The following GFM1 variants were observed in gnomAD, a reference collection of about 807,000 sequenced individuals.
GFM1 encodes the protein elongation factor G, mitochondrial.
A neutral mutation model predicts 96.2 loss-of-function variants in GFM1; 62 were observed. The observed-to-expected ratio is 0.64, with a 90% CI of 0.53 to 0.80. GFM1 has a LOEUF of 0.80. Among genes scored for constraint, GFM1 ranks in the 30% least tolerant of loss-of-function variants. The pLI is 0.00. For synonymous variants in GFM1, 282 were observed against 312.9 expected (o/e 0.90, Z 1.04); for missense variants, 852 against 916.6 (o/e 0.93, Z 0.91).
At chr3:158,672,676 C>G in intron 13 of GFM1, 1 of 547,612 alleles carries the variant, frequency 1.8e-6, no homozygotes, top group South Asian at 2.0e-5. Flanking sequence ...ATCCGAGAGC[C>G]CTGGGCTGAC....
intron 9 of GFM1, among the ~76,000 whole-genome samples, chr3:158,659,582 A>G (rs919603247): frequency 6.6e-6 from 1 of 152,204 alleles, no homozygotes; most frequent in South Asian, 2.1e-4. Flanking sequence ...TAAAAGCTTC[A>G]AGGGCTGATC....
chr3:158,649,162 G>C lies in GFM1; in HGVS notation c.689+5G>C, dbSNP rs1722092318. The stretch of plus-strand genomic sequence containing the variant: ...CTATTTTGATGGAGACTTTGGGTAA[G>C]TGCTAAAAATACATTATTAAAATTT... On this transcript the variant is annotated splice_donor_5th_base_variant and intron_variant, in intron 5 of 17. Coordinates refer to ENST00000486715, the MANE Select transcript of GFM1 (RefSeq NM_024996.7). The C allele has an allele frequency of 9.0e-7, 1 of 1,112,994 alleles. No individual in the cohort carries two copies. Among genetic ancestry groups the C allele is most frequent in the Non-Finnish European group, 1.4e-6 (1 of 725,100 alleles). The allele number at this position is 1,112,994 out of a possible 1,614,324, so 68.9% of individuals were successfully genotyped here. A position where few individuals can be genotyped will look rare whatever the true frequency, so the allele number is the denominator to read the frequency against.
chr3:158,687,173 TTTA>T (rs1560145709), intron 15 of GFM1, among the ~76,000 whole-genome samples: 2 of 151,864 alleles, frequency 1.3e-5, no homozygotes, highest in East Asian at 3.9e-4. Context: ...TGGCTAATTT[TTTA>T]TTATTATTAT....
chr3:158,660,758 G>A (rs1723137595), intron 9 of GFM1, 116 bp from the exon 10 acceptor site: 4 of 834,774 alleles, frequency 4.8e-6, no homozygotes. Flanking sequence ...TTCAAGCAGA[G>A]AGATTCTGCC....
At chr3:158,681,453 A>T (rs1202997830) in intron 13 of GFM1, among the ~76,000 whole-genome samples, 10 of 152,186 alleles carry the variant, frequency 6.6e-5, no homozygotes, top group Non-Finnish European at 1.5e-4. Context: ...TGAATGACTT[A>T]CTTATGTTAG....
intron 6 of GFM1, 84 bp downstream of exon 6, chr3:158,652,330 G>A (rs553465700): frequency 3.5e-6 from 4 of 1,137,474 alleles, no homozygotes; most frequent in Non-Finnish European, 5.3e-6. Flanking sequence ...ATGCTTTTAT[G>A]TATGGGCTTT....
At chr3:158,664,538 C>T (rs1723460851) in intron 11 of GFM1, among the ~76,000 whole-genome samples, 1 of 152,166 alleles carries the variant, frequency 6.6e-6, no homozygotes, top group Non-Finnish European at 1.5e-5. Context: ...ATCTTCAGTG[C>T]CGTCAACAGC....
chr3:158,646,715 A>C (rs753850801), intron 3 of GFM1, 28 bp from the exon 4 acceptor site: 1 of 1,587,454 alleles, frequency 6.3e-7, no homozygotes, highest in East Asian at 2.2e-5. Flanking sequence ...TTGCTCTTTA[A>C]GACCCTCTCA....
chr3:158,683,036 G>GAAA (rs1394390389), intron 14 of GFM1, among the ~76,000 whole-genome samples: 2 of 95,994 alleles, frequency 2.1e-5, no homozygotes, highest in Non-Finnish European at 4.5e-5. Context: ...CTCCAAAATG[G>GAAA]AAAAAAAAAA....
Position 158,665,486 on chromosome 3 carries a change from TAAGG to T in GFM1, c.1518+16_1518+19del, listed in dbSNP as rs1244229304. 2.5e-6 allele frequency: 4 copies of T among 1,601,160 alleles called. No individual in the cohort carries two copies. In the Admixed American group the frequency reaches 5.0e-5, roughly 20 times the overall value. The stretch of plus-strand genomic sequence containing the variant: ...AAATCTATGCTCAGGTAATGAATAA[TAAGG>T]AAGTTAAGTTGAAATCAATTTATTA... On this transcript the variant is annotated intron_variant, in intron 12 of 17. Transcript: ENST00000486715.
chr3:158,673,173 A>C (rs1284060721), intron 13 of GFM1, among the ~76,000 whole-genome samples: 1 of 152,198 alleles, frequency 6.6e-6, no homozygotes, highest in Admixed American at 6.5e-5. Context: ...AGATTATGTA[A>C]TTTGGATCAG....
chr3:158,663,028 A>G (rs1452572959), intron 11 of GFM1, among the ~76,000 whole-genome samples: 1 of 152,156 alleles, frequency 6.6e-6, no homozygotes, highest in African/African-American at 2.4e-5. Context: ...GTAAAACCCC[A>G]CTATAAAGTA....
rs112123608 is a variant in GFM1 at position 158,649,916 on chromosome 3, T to G, written c.689+759T>G. On this transcript the variant is annotated intron_variant, in intron 5 of 17. Coordinates refer to ENST00000486715, the MANE Select transcript of GFM1 (RefSeq NM_024996.7). ...TCTTACAGGTCTGCAGACCACACTT[T>G]GAGTGACACTGATCTAGACAATGTG... 7.2e-6 allele frequency: 8 copies of G among 1,116,580 alleles called. No individual in the cohort carries two copies. The East Asian group carries it at 1.8e-4, about 25-fold the overall frequency. The allele number at this position is 1,116,580 out of a possible 1,614,324, so 69.2% of individuals were successfully genotyped here. A position where few individuals can be genotyped will look rare whatever the true frequency, so the allele number is the denominator to read the frequency against.
chr3:158,669,098 G>A (rs1724013068), intron 13 of GFM1: 3 of 1,613,570 alleles, frequency 1.9e-6, no homozygotes, highest in South Asian at 1.1e-5. Context: ...AATGTAGAAC[G>A]AGCGTCATTT....
chr3:158,693,257 A>G lies in GFM1; in HGVS notation c.*1790A>G, dbSNP rs993111094. On this transcript the variant is annotated 3_prime_UTR_variant, in exon 18 of 18. Transcript: ENST00000486715. ...TCCTCAGCATCTTGTGACATTCACA[A>G]TAACTTTGAATATTGTTCCTAATGA... is the stretch of plus-strand genomic sequence containing the variant. 6.6e-6 allele frequency: 1 copy of G among 152,220 alleles called. No homozygotes were observed. The highest frequency in any genetic ancestry group is 1.5e-5 in the Non-Finnish European group (1 of 68,042). 9.4% of individuals were successfully genotyped at this position (152,220 alleles called of 1,614,324 possible).
At chr3:158,672,055 A>G (rs539540493) in intron 13 of GFM1, among the ~76,000 whole-genome samples, 1 of 152,272 alleles carries the variant, frequency 6.6e-6, no homozygotes, top group East Asian at 1.9e-4. Flanking sequence ...GTTTACACTT[A>G]AGGAAAGTGC....
intron 13 of GFM1, among the ~76,000 whole-genome samples, chr3:158,673,295 G>A (rs2108073023): frequency 6.6e-6 from 1 of 152,158 alleles, no homozygotes; most frequent in African/African-American, 2.4e-5. Flanking sequence ...TTACTTCAAG[G>A]ATTAAAATAA....
At chr3:158,675,777 CA>C in intron 13 of GFM1, among the ~76,000 whole-genome samples, 1 of 152,148 alleles carries the variant, frequency 6.6e-6, no homozygotes, top group Non-Finnish European at 1.5e-5. Context: ...ACATAATGTT[CA>C]ATTAGTCCTG....
At chr3:158,669,119 A>G (rs1264348100) in intron 13 of GFM1, 1 of 1,613,474 alleles carries the variant, frequency 6.2e-7, no homozygotes, top group Non-Finnish European at 8.5e-7. Flanking sequence ...CTGGAGATAC[A>G]TTTCCAAAAT....
Sources: allele counts gnomAD v4.1 joint callset (sites outside exome capture counted in the v4.1 genomes callset), GRCh38; gene constraint gnomAD v4.1.1; transcripts MANE v1.5; gene names NCBI Gene and HGNC (gene_info 2026-07-23, HGNC 2026-07-21).